CABCOCO1: variants seen among roughly 807,000 people sequenced by gnomAD.
CABCOCO1 encodes ciliary associated calcium binding coiled-coil 1.
CABCOCO1 carries 28 observed loss-of-function variants against 35.7 expected under a neutral mutation model. The ratio of observed to expected loss-of-function variants is 0.78; its 90% CI spans 0.58 to 1.07. CABCOCO1 has a LOEUF of 1.07. CABCOCO1 is among the 50% of genes least tolerant of loss of function. The pLI is 0.00. For synonymous variants in CABCOCO1, 95 were observed against 100.1 expected, an observed-to-expected ratio of 0.95 and a Z score of 0.30; for missense variants, 326 against 309.2, an observed-to-expected ratio of 1.05 and a Z score of -0.41.
In CABCOCO1 at chr10:61,665,020, T is replaced by C. The variant is rs531168763; in HGVS notation, c.60+1988T>C. On this transcript the variant is annotated intron_variant, in intron 1 of 7. Transcript: ENST00000648843. ...AAAATGACTTAGCCAGTAGCCCATG[T>C]AGTCAACTGAGCCAAGCAGTTCTGA... Among the ~76,000 whole-genome samples the C allele has an allele frequency of 3.9e-5, 6 of 152,346 alleles. No homozygotes were observed. In the East Asian group the frequency reaches 9.6e-4, roughly 24 times the overall value.
chr10:61,702,692 T>G (rs1840491039), intron 5 of CABCOCO1, among the ~76,000 whole-genome samples: 1 of 152,178 alleles, frequency 6.6e-6, no homozygotes, highest in Non-Finnish European at 1.5e-5. Flanking sequence ...AGTTGGCTTA[T>G]GAGGCCACTC....
chr10:61,718,927 A>G (rs1309456330), intron 5 of CABCOCO1, among the ~76,000 whole-genome samples: 2 of 152,176 alleles, frequency 1.3e-5, no homozygotes, highest in East Asian at 3.9e-4. Context: ...TTGATTTCCA[A>G]TTCATAATAA....
intron 2 of CABCOCO1, 62 bp downstream of exon 2, chr10:61,672,797 G>T (rs1839400544): frequency 1.1e-6 from 1 of 909,704 alleles, no homozygotes; most frequent in Non-Finnish European, 1.3e-6. Flanking sequence ...ATCTGTAAAT[G>T]ATTGTGATTA....
At chr10:61,703,080 T>C (rs753456250) in intron 5 of CABCOCO1, among the ~76,000 whole-genome samples, 6 of 152,194 alleles carry the variant, frequency 3.9e-5, no homozygotes, top group Non-Finnish European at 8.8e-5. Context: ...CAAGTTTAAC[T>C]GATGAATATG....
intron 4 of CABCOCO1, among the ~76,000 whole-genome samples, chr10:61,689,020 T>G (rs934761713): frequency 1.3e-5 from 2 of 152,142 alleles, no homozygotes; most frequent in South Asian, 4.1e-4. Context: ...CCTCTTGGCA[T>G]GGGACAACCT....
intron 5 of CABCOCO1, among the ~76,000 whole-genome samples, chr10:61,737,651 G>T (rs997363281): frequency 6.6e-6 from 1 of 152,194 alleles, no homozygotes; most frequent in Admixed American, 6.5e-5. Flanking sequence ...CATGCCTTTT[G>T]CAGGAACGTG....
At chr10:61,702,051 AC>A (rs781360705) in intron 5 of CABCOCO1, among the ~76,000 whole-genome samples, 1 of 152,212 alleles carries the variant, frequency 6.6e-6, no homozygotes, top group Non-Finnish European at 1.5e-5. Flanking sequence ...TCAGTTTTAT[AC>A]TACCAACTCT....
intron 5 of CABCOCO1, among the ~76,000 whole-genome samples, chr10:61,707,212 A>C (rs1265815153): frequency 6.6e-6 from 1 of 152,178 alleles, no homozygotes; most frequent in Non-Finnish European, 1.5e-5. Context: ...CTGTAAGAAT[A>C]GCCAACAGAA....
chr10:61,696,617 C>T (rs1840302671), intron 5 of CABCOCO1, among the ~76,000 whole-genome samples: 1 of 152,032 alleles, frequency 6.6e-6, no homozygotes, highest in Non-Finnish European at 1.5e-5. Context: ...TCCACCTCAG[C>T]CTCCCATGTA....
chr10:61,697,359 T>C (rs1040999370), intron 5 of CABCOCO1, among the ~76,000 whole-genome samples: 23 of 152,214 alleles, frequency 1.5e-4, no homozygotes, highest in Admixed American at 6.5e-4. Context: ...ATCAAGTCTT[T>C]AGAATGAATG....
chr10:61,719,657 C>CCG (rs1348281151), intron 5 of CABCOCO1, among the ~76,000 whole-genome samples: 1 of 152,150 alleles, frequency 6.6e-6, no homozygotes, highest in African/African-American at 2.4e-5. Context: ...CGCAGTGGCT[C>CCG]ATGCCTGTAA....
intron 5 of CABCOCO1, among the ~76,000 whole-genome samples, chr10:61,750,328 G>A (rs2132079020): frequency 6.6e-6 from 1 of 152,304 alleles, no homozygotes; most frequent in Non-Finnish European, 1.5e-5. Context: ...TGTCATCCCA[G>A]CACTTTGGAG....
At chr10:61,726,171 T>C (rs543126865) in intron 5 of CABCOCO1, among the ~76,000 whole-genome samples, 1 of 152,354 alleles carries the variant, frequency 6.6e-6, no homozygotes, top group African/African-American at 2.4e-5. Flanking sequence ...ATTCAATATG[T>C]GTAACAATAT....
intron 5 of CABCOCO1, among the ~76,000 whole-genome samples, chr10:61,755,016 T>C (rs1172117119): frequency 6.6e-6 from 1 of 152,148 alleles, no homozygotes; most frequent in Non-Finnish European, 1.5e-5. Flanking sequence ...TATTTCCAAG[T>C]CAAAAATGCA....
intron 7 of CABCOCO1, among the ~76,000 whole-genome samples, chr10:61,763,446 G>A (rs1212745944): frequency 1.3e-5 from 2 of 151,980 alleles, no homozygotes; most frequent in Admixed American, 1.3e-4. Context: ...TTTTAAGCCT[G>A]TATAGTTTAG....
At chr10:61,729,109 A>G (rs1841234184) in intron 5 of CABCOCO1, among the ~76,000 whole-genome samples, 1 of 152,220 alleles carries the variant, frequency 6.6e-6, no homozygotes, top group Admixed American at 6.5e-5. Flanking sequence ...TAAGACAAAT[A>G]GATAAGTATA....
At chr10:61,736,381 CATTT>C (rs1277038919) in intron 5 of CABCOCO1, among the ~76,000 whole-genome samples, 1 of 152,112 alleles carries the variant, frequency 6.6e-6, no homozygotes, top group African/African-American at 2.4e-5. Context: ...ACCTCAGCAC[CATTT>C]ATTTAATAGG....
chr10:61,723,851 G>A (rs955268054), intron 5 of CABCOCO1, among the ~76,000 whole-genome samples: 7 of 152,054 alleles, frequency 4.6e-5, no homozygotes, highest in Admixed American at 6.6e-5. Flanking sequence ...GAACACAACC[G>A]ATCATGGCAA....
intron 5 of CABCOCO1, among the ~76,000 whole-genome samples, chr10:61,743,713 T>C (rs1202296510): frequency 6.6e-6 from 1 of 152,128 alleles, no homozygotes; most frequent in Non-Finnish European, 1.5e-5. Context: ...ATCTGTTCAT[T>C]TGTATATGCC....
Sources: gnomAD v4.1 joint callset for allele counts (sites outside exome capture counted in the v4.1 genomes callset) on GRCh38, gnomAD v4.1.1 for gene constraint, MANE v1.5 for transcripts, NCBI Gene and HGNC (gene_info 2026-07-23, HGNC 2026-07-21) for gene names.